ROBO2: variants seen among roughly 807,000 people sequenced by gnomAD.
ROBO2 encodes the protein roundabout guidance receptor 2.
In ROBO2, 53 loss-of-function variants were observed where a neutral mutation model predicts 160.8. The ratio of observed to expected loss-of-function variants is 0.33; its 90% confidence interval spans 0.26 to 0.41. The LOEUF is 0.41. Among genes scored for constraint, ROBO2 ranks in the 10% least tolerant of loss-of-function variants. ROBO2 has a pLI of 1.00. For missense variants in ROBO2, 1,577 were observed against 1,722.4 expected, an observed-to-expected ratio of 0.92 and a Z score of 1.49; for synonymous variants, 664 against 611.7, an observed-to-expected ratio of 1.09 and a Z score of -1.26.
At chr3:76,864,042 G>T (rs2071097656) in intron 2 of ROBO2, among the ~76,000 whole-genome samples, 1 of 151,988 alleles carries the variant, frequency 6.6e-6, no homozygotes, top group South Asian at 2.1e-4. Flanking sequence ...GCTCCATGTA[G>T]TTCTCTGGTA....
chr3:77,166,629 G>C (rs1362497085), intron 2 of ROBO2, among the ~76,000 whole-genome samples: 1 of 152,056 alleles, frequency 6.6e-6, no homozygotes, highest in Non-Finnish European at 1.5e-5. Context: ...CGCCATCTTG[G>C]CTCACTGCAG....
intron 2 of ROBO2, among the ~76,000 whole-genome samples, chr3:76,710,848 C>A (rs2093278351): frequency 6.6e-6 from 1 of 152,128 alleles, no homozygotes; most frequent in Non-Finnish European, 1.5e-5. Flanking sequence ...CATCCTCAGA[C>A]AGGATGATGC....
At chr3:77,360,774 G>T (rs555233420) in intron 2 of ROBO2, among the ~76,000 whole-genome samples, 1 of 151,972 alleles carries the variant, frequency 6.6e-6, no homozygotes, top group Non-Finnish European at 1.5e-5. Flanking sequence ...CTGTGTCTGG[G>T]CCCCATCTCC....
At position 77,465,224 on chromosome 3, in the gene ROBO2, A is replaced by T. The variant is rs527242892; in HGVS notation, c.389-12190A>T. 5.9e-4 allele frequency among the ~76,000 whole-genome samples: 90 copies of T among 152,328 alleles called. 1 individual carries two copies. The South Asian group carries it at 0.018, about 30-fold the overall frequency. ...TTGTGAATTTTAGTAATATGGCATAATGAAGTGCCTCGATCATGTCAAAAT... is the reference window on the plus strand; with the variant it reads ...TTGTGAATTTTAGTAATATGGCATATTGAAGTGCCTCGATCATGTCAAAAT... On this transcript the variant is annotated intron_variant, in intron 2 of 25. Transcript: ENST00000461745.
chr3:77,442,108 C>T (rs942294197), intron 2 of ROBO2, among the ~76,000 whole-genome samples: 2 of 151,928 alleles, frequency 1.3e-5, no homozygotes, highest in African/African-American at 2.4e-5. Flanking sequence ...GTCAGGAAAT[C>T]GAGACCATCC....
At chr3:77,230,589 T>A (rs2151281315) in intron 2 of ROBO2, among the ~76,000 whole-genome samples, 1 of 152,358 alleles carries the variant, frequency 6.6e-6, no homozygotes, top group Middle Eastern at 3.4e-3. Flanking sequence ...TAGGGCATAT[T>A]ACTTTTCTAT....
intron 6 of ROBO2, among the ~76,000 whole-genome samples, chr3:77,544,398 G>A (rs1340820605): frequency 3.3e-5 from 5 of 152,088 alleles, no homozygotes; most frequent in Non-Finnish European, 5.9e-5. Context: ...CATACTGCTA[G>A]AATGAGTCTT....
intron 8 of ROBO2, among the ~76,000 whole-genome samples, chr3:77,556,606 A>T (rs12330385): frequency 0.56 from 84,853 of 151,606 alleles, 23,826 homozygotes; most frequent in Middle Eastern, 0.68. Context: ...AATTGGAAAG[A>T]TAGTAATTTT....
chr3:76,185,215 T>TATATATATACAC, intron 2 of ROBO2, among the ~76,000 whole-genome samples: 93 of 90,274 alleles, frequency 1.0e-3, no homozygotes, highest in South Asian at 1.2e-3. Context: ...TATATATATA[T>TATATATATACAC]ACACACACAA....
intron 2 of ROBO2, among the ~76,000 whole-genome samples, chr3:76,655,727 A>G (rs1387448421): frequency 2.2e-5 from 3 of 138,196 alleles, no homozygotes; most frequent in South Asian, 2.7e-4. Context: ...GAAGGGAGAA[A>G]GGGAGGGAGG....
At chr3:77,384,324 T>C (rs1228019139) in intron 2 of ROBO2, among the ~76,000 whole-genome samples, 1 of 152,188 alleles carries the variant, frequency 6.6e-6, no homozygotes, top group South Asian at 2.1e-4. Context: ...TGGCTTACAC[T>C]AAAGTTATTA....
At chr3:77,500,349 A>T (rs2087410422) in intron 5 of ROBO2, among the ~76,000 whole-genome samples, 2 of 152,176 alleles carry the variant, frequency 1.3e-5, no homozygotes, top group African/African-American at 4.8e-5. Context: ...ACATATTAAT[A>T]AGCATTAGGG....
chr3:76,466,250 TA>T (rs776339736), intron 2 of ROBO2, among the ~76,000 whole-genome samples: 2 of 151,862 alleles, frequency 1.3e-5, no homozygotes, highest in Non-Finnish European at 2.9e-5. Context: ...TTTATAATAT[TA>T]ATTCATTTGT....
intron 2 of ROBO2, among the ~76,000 whole-genome samples, chr3:76,704,991 G>C (rs533038391): frequency 3.9e-5 from 6 of 152,164 alleles, no homozygotes; most frequent in Non-Finnish European, 8.8e-5. Flanking sequence ...TCTGGGTAAA[G>C]TTAGAGAGTA....
chr3:75,988,013 T>C (rs2065461017), intron 2 of ROBO2, among the ~76,000 whole-genome samples: 1 of 152,058 alleles, frequency 6.6e-6, no homozygotes, highest in South Asian at 2.1e-4. Context: ...TTGCAATGTC[T>C]TTGTCTGGTT....
chr3:76,718,142 T>C (rs1385629041), intron 2 of ROBO2, among the ~76,000 whole-genome samples: 1 of 152,236 alleles, frequency 6.6e-6, no homozygotes, highest in African/African-American at 2.4e-5. Flanking sequence ...GGATTATCTC[T>C]ATAACAACTC....
intron 2 of ROBO2, among the ~76,000 whole-genome samples, chr3:77,241,945 G>T (rs1473153489): frequency 6.6e-6 from 1 of 152,126 alleles, no homozygotes; most frequent in Non-Finnish European, 1.5e-5. Flanking sequence ...TTATTAACAG[G>T]TCTGATGATA....
chr3:77,472,982 A>G (rs2083506652), intron 2 of ROBO2, among the ~76,000 whole-genome samples: 1 of 152,102 alleles, frequency 6.6e-6, no homozygotes, highest in Non-Finnish European at 1.5e-5. Context: ...AAGGACATGG[A>G]CACACAAGGA....
At chr3:76,097,704 C>T (rs1393946968) in intron 2 of ROBO2, among the ~76,000 whole-genome samples, 4 of 152,166 alleles carry the variant, frequency 2.6e-5, no homozygotes, top group East Asian at 1.9e-4. Context: ...ATGTGCAGAA[C>T]GTAGGAAGCA....
Sources: gnomAD v4.1 joint callset for allele counts (sites outside exome capture counted in the v4.1 genomes callset) on GRCh38, gnomAD v4.1.1 for gene constraint, MANE v1.5 for transcripts, NCBI Gene and HGNC (gene_info 2026-07-23, HGNC 2026-07-21) for gene names.